PPY: variants seen among roughly 807,000 people sequenced by gnomAD.
The protein encoded by PPY is pancreatic polypeptide prohormone.
Under a neutral mutation model 9.3 loss-of-function variants are expected in PPY, and 6 were observed. That is an observed-to-expected ratio of 0.64 (90% CI 0.35 to 1.27). The LOEUF is 1.27. PPY is among the 50% of genes most tolerant of loss of function. PPY has a pLI of 0.03. For synonymous variants in PPY, 58 were observed against 54.6 expected (o/e 1.06, Z -0.27); for missense variants, 109 against 119.1 (o/e 0.91, Z 0.40).
chr17:43,941,753 A>G, intron 1 of PPY, 99 bp from the exon 2 acceptor site: 1 of 1,288,392 alleles, frequency 7.8e-7, no homozygotes, highest in Non-Finnish European at 1.1e-6. Flanking sequence ...CCCATCATCC[A>G]TTTCTCCAAG....
chr17:43,941,410 A>G, intron 2 of PPY, 54 bp downstream of exon 2: 1 of 1,606,522 alleles, frequency 6.2e-7, no homozygotes, highest in Non-Finnish European at 8.5e-7. Context: ...AGGAATGTGG[A>G]GTGGGCCCAG....
chr17:43,941,129 G>A lies in PPY; in HGVS notation c.263+14C>T. The A allele has an allele frequency of 6.4e-7, 1 of 1,551,480 alleles. No homozygotes were observed. The highest frequency in any genetic ancestry group is 8.7e-7 in the Non-Finnish European group (1 of 1,146,868). ...CCAGGGAGCTGGACAGACAGGGCAG[G>A]GAGTCAAACTCACCTGGGGACAGCA... is the stretch of plus-strand genomic sequence containing the variant. On this transcript the variant is annotated intron_variant, in intron 3 of 3. Transcript: ENST00000225992.
chr17:43,941,799 A>T, intron 1 of PPY, 145 bp from the exon 2 acceptor site: 1 of 889,290 alleles, frequency 1.1e-6, no homozygotes, highest in Non-Finnish European at 1.7e-6. Context: ...GGGCCACTCC[A>T]AGCTGGCCAC....
At chr17:43,943,080 CAT>C (rs1394467950), upstream of PPY, among the ~76,000 whole-genome samples, 3 of 152,168 alleles carry the variant, frequency 2.0e-5, no homozygotes, top group Non-Finnish European at 4.4e-5. Context: ...AATGAGAACT[CAT>C]GTGCCTGGGT....
In PPY at chr17:43,940,920, A is replaced by G; in HGVS notation, c.*8T>C. 6.2e-7 allele frequency: 1 copy of G among 1,606,568 alleles called. No individual in the cohort carries two copies. Among genetic ancestry groups the G allele is most frequent in the South Asian group, 1.1e-5 (1 of 89,074 alleles). ...TGCTCATGGAGTCGTAGGAGACAGAAGGTGGCATTATAAGTCCAGCGGGCT... is the reference window on the plus strand; with the variant it reads ...TGCTCATGGAGTCGTAGGAGACAGAGGGTGGCATTATAAGTCCAGCGGGCT... On this transcript the variant is annotated 3_prime_UTR_variant, in exon 4 of 4. Transcript: ENST00000225992.
chr17:43,942,966 G>A (rs1215455637), upstream of PPY, among the ~76,000 whole-genome samples: 1 of 152,198 alleles, frequency 6.6e-6, no homozygotes, highest in Non-Finnish European at 1.5e-5. The surrounding 1 kb of genome is among the most constrained non-coding windows in gnomAD (Gnocchi z 5.3). Flanking sequence ...CTTGCAACTA[G>A]AACAAGGTGG....
At chr17:43,943,396 T>C (rs1474785045), upstream of PPY, among the ~76,000 whole-genome samples, 1 of 152,150 alleles carries the variant, frequency 6.6e-6, no homozygotes, top group South Asian at 2.1e-4. Context: ...AGTATTGTTA[T>C]AATTTCCCAC....
At chr17:43,941,420 G>C (rs1880985632) in intron 2 of PPY, 44 bp downstream of exon 2, 6 of 1,608,464 alleles carry the variant, frequency 3.7e-6, no homozygotes, top group Non-Finnish European at 5.1e-6. Context: ...AGTGGGCCCA[G>C]GGTCCCAGGG....
At chr17:43,941,029 C>T (rs1433320288) in intron 3 of PPY, 77 bp from the exon 4 acceptor site, 5 of 1,554,560 alleles carry the variant, frequency 3.2e-6, no homozygotes, top group Non-Finnish European at 4.4e-6. Context: ...TGGCCCTGGG[C>T]TCCTGTTCTC....
chr17:43,941,736 C>A (rs2048580900), intron 1 of PPY, 82 bp from the exon 2 acceptor site: 3 of 1,366,642 alleles, frequency 2.2e-6, no homozygotes, highest in East Asian at 5.0e-5. Context: ...ACTATCCAGC[C>A]CCTTAGCCCA....
At position 43,942,098 on chromosome 17, in the gene PPY, A is replaced by C; in HGVS notation, c.-1+323T>G. ...TGGCCCTCCACCCTGCGATAGAGAC[A>C]CAGATATCGGTCCTGGAGAAGACGC... On this transcript the variant is annotated intron_variant, in intron 1 of 3. Transcript: ENST00000225992. This position sits in a 1 kb window ranked among gnomAD's most constrained non-coding sequence, Gnocchi z 5.3. The C allele has an allele frequency of 8.9e-6, 2 of 225,682 alleles. No individual in the cohort carries two copies. Among genetic ancestry groups the C allele is most frequent in the Non-Finnish European group, 1.8e-5 (2 of 111,418 alleles). The allele number at this position is 225,682 out of a possible 1,614,324, so 14.0% of individuals were successfully genotyped here.
chr17:43,940,981 G>A (rs1283439064), intron 3 of PPY, 29 bp from the exon 4 acceptor site: 2 of 1,601,560 alleles, frequency 1.2e-6, no homozygotes, highest in Non-Finnish European at 8.5e-7. Flanking sequence ...ACATGGCAGT[G>A]TAGGGGGTAG....
intron 1 of PPY, 67 bp from the exon 2 acceptor site, chr17:43,941,721 G>A: frequency 1.4e-6 from 2 of 1,446,994 alleles, no homozygotes; most frequent in Non-Finnish European, 1.9e-6. Context: ...AGGAAGCAGG[G>A]CCCAACTATC....
Position 43,941,203 on chromosome 17 carries a change from C to A in PPY, c.203G>T (p.Arg68Ile), listed in dbSNP as rs2048574452. 2 of 1,551,672 alleles carry A rather than the reference C, an allele frequency of 1.3e-6. No individual in the cohort carries two copies. Among genetic ancestry groups the A allele is most frequent in the East Asian group, 4.9e-5 (2 of 40,910 alleles). ...NMLTRPRYGKRHKEDTLAFSE... is the reference protein window; with the variant it reads ...NMLTRPRYGKIHKEDTLAFSE... ...GAAGGCCAGCGTGTCCTCTTTGTGT[C>A]TTTTCCCATACCTGGGAGGGAAGAG... The change falls in exon 3 of 4, where the codon AGA becomes ATA. Residue 68 changes from arginine (R) to isoleucine (I), a missense_variant. Physicochemically the swap from Arg to Ile is moderately conservative, Grantham distance 97 (BLOSUM62 -3). Transcript: ENST00000225992.
intron 1 of PPY, 36 bp from the exon 2 acceptor site, chr17:43,941,690 G>A (rs2048580501): frequency 1.3e-6 from 2 of 1,548,718 alleles, no homozygotes; most frequent in East Asian, 4.7e-5. Context: ...GAGAGCCCGG[G>A]CTGCAGATTT....
chr17:43,941,694 CA>C, intron 1 of PPY, 40 bp from the exon 2 acceptor site: 1 of 1,537,520 alleles, frequency 6.5e-7, no homozygotes, highest in Non-Finnish European at 8.8e-7. Flanking sequence ...GCCCGGGCTG[CA>C]GATTTTCCCG....
At chr17:43,943,356 A>C (rs1219513786), upstream of PPY, among the ~76,000 whole-genome samples, 2 of 152,074 alleles carry the variant, frequency 1.3e-5, no homozygotes, top group African/African-American at 4.8e-5. Context: ...CCAAACCTGG[A>C]CTGTTTTTTT....
rs1160446358 is a variant in PPY, at chr17:43,941,611, G to A, written c.44C>T (p.Thr15Ile). Reference sequence around the variant, plus strand: ...TGGCTGTAGTAACAGAGCCACGCAGGTGGACAGGAGCAGCAGGGAGAGGCA... The same window carrying A: ...TGGCTGTAGTAACAGAGCCACGCAGATGGACAGGAGCAGCAGGGAGAGGCA... ...RLCLSLLLLSTCVALLLQPLL... is the reference protein window; with the variant it reads ...RLCLSLLLLSICVALLLQPLL... The change falls in exon 2 of 4, where the codon ACC (threonine) becomes ATC (isoleucine). Residue 15 changes from threonine (T) to isoleucine (I), a missense_variant. Coordinates refer to ENST00000225992, the MANE Select transcript of PPY (RefSeq NM_002722.5). 2 of 1,613,046 alleles carry A rather than the reference G, an allele frequency of 1.2e-6. No individual in the cohort carries two copies. The highest frequency in any genetic ancestry group is 2.2e-5 in the East Asian group (1 of 44,892).
chr17:43,941,576 C>T lies in PPY; in HGVS notation c.79G>A (p.Ala27Thr), dbSNP rs1463684265. Residue 27 changes from alanine (A) to threonine (T), a missense_variant, in exon 2 of 4, where the codon GCC (alanine) becomes ACC (threonine). By Grantham distance (58) the Ala-to-Thr change is moderately conservative. Transcript: ENST00000225992. ...ACTGGCTCCAGTGGGGCTCCCTGGG[C>T]ACCCAGCAGTGGCTGTAGTAACAGA... ...VALLLQPLLGAQGAPLEPVYP... is the reference protein window; with the variant it reads ...VALLLQPLLGTQGAPLEPVYP... 2 of 1,613,862 alleles carry T rather than the reference C, an allele frequency of 1.2e-6. No homozygotes were observed. The highest frequency in any genetic ancestry group is 2.2e-5 in the South Asian group (2 of 91,072).
Sources: gnomAD v4.1 joint callset for allele counts (sites outside exome capture counted in the v4.1 genomes callset) on GRCh38, gnomAD v4.1.1 for gene constraint, Gnocchi (gnomAD v3.1) non-coding constraint, MANE v1.5 for transcripts, NCBI Gene and HGNC (gene_info 2026-07-23, HGNC 2026-07-21) for gene names.